SLC5A4: variants seen among roughly 807,000 people sequenced by gnomAD.
SLC5A4 encodes the protein solute carrier family 5 member 4.
In SLC5A4, 55 loss-of-function variants were observed where a neutral mutation model predicts 70.3. The observed-to-expected ratio is 0.78, with a 90% confidence interval of 0.63 to 0.98. The LOEUF is 0.98. Among genes scored for constraint, SLC5A4 ranks in the 50% least tolerant of loss-of-function variants. The pLI, the probability that SLC5A4 is intolerant of heterozygous loss-of-function variation, is 0.00. For missense variants in SLC5A4, 735 were observed against 839.2 expected, an observed-to-expected ratio of 0.88 and a Z score of 1.53; for synonymous variants, 268 against 305.7, an observed-to-expected ratio of 0.88 and a Z score of 1.29.
At chr22:32,289,874 ACTTTGT>A in the SLC5A4 span, among the ~76,000 whole-genome samples, 1 of 152,156 alleles carries the variant, frequency 6.6e-6, no homozygotes, top group Admixed American at 6.5e-5. Flanking sequence ...AGTGAGACTT[ACTTTGT>A]CAGGTTTTAG....
At chr22:32,324,216 T>G in the SLC5A4 span, among the ~76,000 whole-genome samples, 1 of 151,984 alleles carries the variant, frequency 6.6e-6, no homozygotes, top group Non-Finnish European at 1.5e-5. Context: ...ATACCTCATA[T>G]ATATACATAT....
the SLC5A4 span, among the ~76,000 whole-genome samples, chr22:32,353,617 G>C: frequency 6.6e-6 from 1 of 151,566 alleles, no homozygotes; most frequent in Non-Finnish European, 1.5e-5. Context: ...ACCCGCCGCC[G>C]GCAGTGTAGC....
At chr22:32,301,327 AC>A in the SLC5A4 span, among the ~76,000 whole-genome samples, 8 of 152,162 alleles carry the variant, frequency 5.3e-5, no homozygotes, top group African/African-American at 1.9e-4. Context: ...TTACAGCCCC[AC>A]CAGCAAGGTT....
intron 10 of SLC5A4, among the ~76,000 whole-genome samples, chr22:32,229,954 T>C (rs550672586): frequency 6.6e-6 from 1 of 152,192 alleles, no homozygotes; most frequent in South Asian, 2.1e-4. Flanking sequence ...GTAGGGACTG[T>C]TGGCTTCCTG....
rs749660226 is a variant in SLC5A4 at position 32,230,927 on chromosome 22, G to A, written c.1129+41C>T. Reference sequence around the variant, plus strand: ...TAACCCTTCCTCGAGGCCCGTCTTAGACAGGCCTCTGGGGCTGTCCCAGCA... The same window carrying A: ...TAACCCTTCCTCGAGGCCCGTCTTAAACAGGCCTCTGGGGCTGTCCCAGCA... On this transcript the variant is annotated intron_variant, in intron 10 of 14. Coordinates refer to ENST00000266086, the MANE Select transcript of SLC5A4 (RefSeq NM_014227.3). 3.0e-5 allele frequency: 39 copies of A among 1,299,976 alleles called. No individual in the cohort carries two copies. The Middle Eastern group carries it at 7.4e-4, about 25-fold the overall frequency. The allele number at this position is 1,299,976 out of a possible 1,614,324, so 80.5% of individuals were successfully genotyped here.
the SLC5A4 span, among the ~76,000 whole-genome samples, chr22:32,332,866 T>C: frequency 6.6e-6 from 1 of 152,180 alleles, no homozygotes; most frequent in Admixed American, 6.5e-5. Flanking sequence ...ATGCTGTCCT[T>C]TTCATCGGCA....
the SLC5A4 span, among the ~76,000 whole-genome samples, chr22:32,276,245 C>A: frequency 3.0e-4 from 45 of 152,126 alleles, no homozygotes; most frequent in Non-Finnish European, 5.3e-4. Flanking sequence ...TCTCTTAAGA[C>A]AATCAATATT....
At chr22:32,321,323 G>A in the SLC5A4 span, among the ~76,000 whole-genome samples, 1 of 152,000 alleles carries the variant, frequency 6.6e-6, no homozygotes, top group Non-Finnish European at 1.5e-5. Flanking sequence ...ATGGTGATAG[G>A]CACCTGTAGT....
At chr22:32,330,957 TGTGTGTTGGGGGC>T in the SLC5A4 span, among the ~76,000 whole-genome samples, 3 of 5,864 alleles carry the variant, frequency 5.1e-4, no homozygotes, top group Non-Finnish European at 7.2e-4. Context: ...CTCTGGTGTG[TGTGTGTTGGGGGC>T]ACTGGTGTGT....
At chr22:32,341,865 C>T in the SLC5A4 span, among the ~76,000 whole-genome samples, 2 of 152,340 alleles carry the variant, frequency 1.3e-5, no homozygotes, top group East Asian at 3.9e-4. Context: ...AACCATGAAA[C>T]TATGTGAGTA....
chr22:32,303,248 A>G, the SLC5A4 span, among the ~76,000 whole-genome samples: 6 of 152,332 alleles, frequency 3.9e-5, no homozygotes, highest in African/African-American at 7.2e-5. Context: ...GACATCATCA[A>G]TATGTGTAAG....
chr22:32,286,976 A>G, the SLC5A4 span, among the ~76,000 whole-genome samples: 1 of 152,230 alleles, frequency 6.6e-6, no homozygotes, highest in African/African-American at 2.4e-5. Context: ...AGATCCAGAT[A>G]GACTCAAGGT....
intron 3 of SLC5A4, among the ~76,000 whole-genome samples, chr22:32,249,915 T>A (rs566996862): frequency 2.0e-5 from 3 of 152,322 alleles, no homozygotes; most frequent in Non-Finnish European, 4.4e-5. Flanking sequence ...GGTGATTTTT[T>A]TTTTAGGTCA....
chr22:32,340,452 T>G, the SLC5A4 span, among the ~76,000 whole-genome samples: 387 of 152,246 alleles, frequency 2.5e-3, 2 homozygotes, highest in African/African-American at 9.0e-3. Flanking sequence ...CCAACTCTCT[T>G]GGGGTTTCCA....
At chr22:32,318,910 C>A in the SLC5A4 span, among the ~76,000 whole-genome samples, 1 of 152,132 alleles carries the variant, frequency 6.6e-6, no homozygotes, top group Non-Finnish European at 1.5e-5. Flanking sequence ...CCACAGGGTG[C>A]CCTGATATTT....
chr22:32,265,673 C>T, the SLC5A4 span, among the ~76,000 whole-genome samples: 4 of 152,070 alleles, frequency 2.6e-5, no homozygotes. Flanking sequence ...AACCCCCTCT[C>T]TACTAAAAAT....
the SLC5A4 span, among the ~76,000 whole-genome samples, chr22:32,306,600 C>G: frequency 2.8e-4 from 43 of 152,168 alleles, no homozygotes; most frequent in African/African-American, 1.0e-3. Flanking sequence ...CAGAGAGACC[C>G]CATGCCTGCT....
intron 14 of SLC5A4, 129 bp from the exon 15 acceptor site, chr22:32,218,854 G>C (rs1458068657): frequency 1.6e-6 from 1 of 640,860 alleles, no homozygotes; most frequent in East Asian, 2.9e-5. Context: ...AGGAATCCCT[G>C]AGAAAATGTA....
chr22:32,350,907 A>T, the SLC5A4 span, among the ~76,000 whole-genome samples: 2 of 111,634 alleles, frequency 1.8e-5, no homozygotes, highest in African/African-American at 9.5e-5. Context: ...AGAAATCAGT[A>T]AAAAAAAAAA....
Sources: allele counts gnomAD v4.1 joint callset (sites outside exome capture counted in the v4.1 genomes callset), GRCh38; gene constraint gnomAD v4.1.1; transcripts MANE v1.5; gene names NCBI Gene and HGNC (gene_info 2026-07-23, HGNC 2026-07-21).